CDK14: variants seen among roughly 807,000 people sequenced by gnomAD.
CDK14 encodes cyclin dependent kinase 14.
Under a neutral mutation model 60.7 loss-of-function variants are expected in CDK14, and 34 were observed. The ratio of observed to expected loss-of-function variants is 0.56; its 90% CI spans 0.43 to 0.75. The LOEUF (loss-of-function observed/expected upper bound fraction) is 0.75. CDK14 is among the 30% of genes least tolerant of loss of function. The probability of loss-of-function intolerance (pLI) is 0.00; values close to 1 mark genes in which losing one functional copy is unlikely to be tolerated. For synonymous variants in CDK14, 197 were observed against 203.7 expected, an observed-to-expected ratio of 0.97 and a Z score of 0.28; for missense variants, 482 against 564.1, an observed-to-expected ratio of 0.85 and a Z score of 1.47.
chr7:90,720,306 A>G lies in CDK14; in HGVS notation c.124-6261A>G, dbSNP rs189805870. Among the ~76,000 whole-genome samples, 371 of 152,240 alleles carry G rather than the reference A, an allele frequency of 2.4e-3. 8 individuals carry two copies. The highest frequency in any genetic ancestry group is 0.021 in the Admixed American group (325 of 15,288). On this transcript the variant is annotated intron_variant, in intron 2 of 14. Transcript: ENST00000380050. ...CATCTAGGCAAAGGCAATTTTGGAG[A>G]CAAGTCATGGCTTGGTGGGAGGAAG...
intron 14 of CDK14, among the ~76,000 whole-genome samples, chr7:91,164,700 A>AGCCCTTCCAGTGTCC (rs1801289566): frequency 6.6e-6 from 1 of 152,244 alleles, no homozygotes; most frequent in Admixed American, 6.5e-5. Context: ...CAGAGTGGAA[A>AGCCCTTCCAGTGTCC]GCCCTTCCAG....
At chr7:90,963,779 G>A (rs866788242) in intron 9 of CDK14, among the ~76,000 whole-genome samples, 2 of 141,132 alleles carry the variant, frequency 1.4e-5, no homozygotes, top group East Asian at 2.1e-4. Flanking sequence ...GCAATGGCGC[G>A]ATCTCAGCTC....
At chr7:90,954,169 T>C (rs1452031197) in intron 8 of CDK14, among the ~76,000 whole-genome samples, 1 of 152,158 alleles carries the variant, frequency 6.6e-6, no homozygotes, top group African/African-American at 2.4e-5. Flanking sequence ...ATTAGGGCAC[T>C]GTAACCATGG....
chr7:91,030,373 G>T (rs916042070), intron 10 of CDK14, among the ~76,000 whole-genome samples: 1 of 151,928 alleles, frequency 6.6e-6, no homozygotes. Flanking sequence ...CAGTATACAG[G>T]CTCTGACCTA....
At chr7:91,039,361 C>T (rs369784305) in intron 10 of CDK14, among the ~76,000 whole-genome samples, 4 of 152,108 alleles carry the variant, frequency 2.6e-5, no homozygotes, top group Admixed American at 6.5e-5. Context: ...GTCATGTTGT[C>T]ATCACTCAGT....
At chr7:90,701,112 TC>T (rs1201191295) in intron 2 of CDK14, among the ~76,000 whole-genome samples, 1 of 152,232 alleles carries the variant, frequency 6.6e-6, no homozygotes, top group Non-Finnish European at 1.5e-5. Flanking sequence ...TAACCCTTTT[TC>T]CTTCGTGGCC....
Position 90,863,250 on chromosome 7 carries a change from C to T in CDK14, c.620C>T (p.Thr207Ile). ...ATCATCCATACCAAGGAGACGCTGA[C>T]ACTTGTGTTTGAATATGTGGTAAGT... Reference protein sequence around the residue: ...HDIIHTKETLTLVFEYVHTDL... With the variant: ...HDIIHTKETLILVFEYVHTDL... The change falls in exon 6 of 15, where the codon ACA becomes ATA. Residue 207 changes from threonine (T) to isoleucine (I), a missense_variant. Physicochemically the swap from Thr to Ile is moderately conservative, Grantham distance 89. Coordinates refer to ENST00000380050, the MANE Select transcript of CDK14 (RefSeq NM_001287135.2). The T allele has an allele frequency of 6.3e-7, 1 of 1,594,292 alleles. No homozygotes were observed. The highest frequency in any genetic ancestry group is 1.1e-5 in the South Asian group (1 of 90,232).
At chr7:90,963,472 T>C (rs1300389299) in intron 9 of CDK14, among the ~76,000 whole-genome samples, 4 of 151,896 alleles carry the variant, frequency 2.6e-5, no homozygotes, top group Admixed American at 6.6e-5. Flanking sequence ...TTAGAGAACA[T>C]TGGATGTGCA....
At chr7:91,041,400 C>T (rs1317991442) in intron 10 of CDK14, among the ~76,000 whole-genome samples, 1 of 152,146 alleles carries the variant, frequency 6.6e-6, no homozygotes, top group Non-Finnish European at 1.5e-5. Flanking sequence ...CCAATCTTGA[C>T]CTGCAGGCAT....
intron 8 of CDK14, among the ~76,000 whole-genome samples, chr7:90,921,935 C>T (rs1418051676): frequency 3.3e-5 from 5 of 152,088 alleles, no homozygotes; most frequent in Admixed American, 3.3e-4. Flanking sequence ...AGACCAGAAA[C>T]GTGACTCTGT....
intron 7 of CDK14, among the ~76,000 whole-genome samples, chr7:90,913,672 A>G (rs749171577): frequency 1.1e-4 from 16 of 152,234 alleles, no homozygotes; most frequent in Admixed American, 6.5e-5. Flanking sequence ...TTGGGCCTGC[A>G]GAGCAGAGAG....
At chr7:90,801,729 T>C (rs908360351) in intron 5 of CDK14, among the ~76,000 whole-genome samples, 48 of 152,222 alleles carry the variant, frequency 3.2e-4, no homozygotes, top group African/African-American at 1.1e-3. Flanking sequence ...GATACATCTT[T>C]TTTATCTTTG....
chr7:90,640,467 A>C (rs1424590767), intron 2 of CDK14, among the ~76,000 whole-genome samples: 4 of 152,108 alleles, frequency 2.6e-5, no homozygotes, highest in African/African-American at 9.7e-5. Flanking sequence ...AAGTCGGTAA[A>C]AGACTTTAAG....
chr7:90,597,689 G>C (rs967297075), intron 1 of CDK14, among the ~76,000 whole-genome samples: 1 of 152,058 alleles, frequency 6.6e-6, no homozygotes, highest in Non-Finnish European at 1.5e-5. Flanking sequence ...AAGTGTTAAT[G>C]GAAATTAAAC....
intron 5 of CDK14, among the ~76,000 whole-genome samples, chr7:90,800,553 CCTAT>C (rs1458266613): frequency 6.6e-6 from 1 of 151,972 alleles, no homozygotes; most frequent in East Asian, 1.9e-4. Context: ...AATGTTATAG[CCTAT>C]CTGTTTTTGT....
chr7:90,649,648 C>T (rs1402238188), intron 2 of CDK14, among the ~76,000 whole-genome samples: 1 of 151,560 alleles, frequency 6.6e-6, no homozygotes, highest in African/African-American at 2.4e-5. Flanking sequence ...GAGTGATGTT[C>T]CCCGCCCTGT....
chr7:91,119,587 T>C (rs1488883593), intron 14 of CDK14, among the ~76,000 whole-genome samples: 1 of 152,238 alleles, frequency 6.6e-6, no homozygotes, highest in Non-Finnish European at 1.5e-5. Flanking sequence ...TTGAAATATG[T>C]TAACAGGCTA....
intron 7 of CDK14, among the ~76,000 whole-genome samples, chr7:90,902,187 GA>G (rs761575599): frequency 3.3e-5 from 5 of 151,988 alleles, no homozygotes; most frequent in Non-Finnish European, 5.9e-5. Flanking sequence ...GCAATCTACA[GA>G]TTCAATACAA....
rs549022153 is a variant in CDK14, at chr7:90,643,138, C to T, written c.123+38889C>T. Among the ~76,000 whole-genome samples, 3 of 152,274 alleles carry T rather than the reference C, an allele frequency of 2.0e-5. No homozygotes were observed. In the East Asian group the frequency reaches 5.8e-4, roughly 29 times the overall value. On this transcript the variant is annotated intron_variant, in intron 2 of 14. Transcript: ENST00000380050. ...ATGTATGTACAGCTCAAAAGATGAGCAGACCTTTGCCTGGAGGCAAGATGA... is the reference window on the plus strand; with the variant it reads ...ATGTATGTACAGCTCAAAAGATGAGTAGACCTTTGCCTGGAGGCAAGATGA...
Sources: gnomAD v4.1 joint callset for allele counts (sites outside exome capture counted in the v4.1 genomes callset) on GRCh38, gnomAD v4.1.1 for gene constraint, MANE v1.5 for transcripts, NCBI Gene and HGNC (gene_info 2026-07-23, HGNC 2026-07-21) for gene names.